PPP2R5E: variants seen among roughly 807,000 people sequenced by gnomAD.
The protein encoded by PPP2R5E is serine/threonine-protein phosphatase 2A 56 kDa regulatory subunit epsilon isoform.
PPP2R5E carries 4 observed loss-of-function variants against 65.3 expected under a neutral mutation model. The observed-to-expected ratio is 0.06, with a 90% CI of 0.03 to 0.14. PPP2R5E has a LOEUF of 0.14. Ranked by LOEUF, PPP2R5E falls within the 10% of genes least tolerant of loss-of-function variation. The pLI, the probability that PPP2R5E is intolerant of heterozygous loss-of-function variation, is 1.00. For missense variants in PPP2R5E, 274 were observed against 556.1 expected (o/e 0.49, Z 5.10); for synonymous variants, 183 against 187.4 (o/e 0.98, Z 0.19).
At chr14:63,405,309 T>C (rs1443217806) in intron 5 of PPP2R5E, among the ~76,000 whole-genome samples, 1 of 152,208 alleles carries the variant, frequency 6.6e-6, no homozygotes, top group Non-Finnish European at 1.5e-5. Flanking sequence ...GTTCTTTGTA[T>C]TGGAGCTGAG....
chr14:63,489,916 G>A (rs1305671815), intron 2 of PPP2R5E, among the ~76,000 whole-genome samples: 2 of 152,016 alleles, frequency 1.3e-5, no homozygotes, highest in African/African-American at 4.8e-5. Flanking sequence ...TGAAGTCCAG[G>A]CCAATTTATA....
intron 2 of PPP2R5E, among the ~76,000 whole-genome samples, chr14:63,530,048 T>C (rs1344524769): frequency 6.6e-6 from 1 of 152,072 alleles, no homozygotes; most frequent in East Asian, 1.9e-4. Context: ...AGAACGTGAA[T>C]GGAAGGGATG....
At chr14:63,380,386 G>T (rs1021901698) in intron 13 of PPP2R5E, among the ~76,000 whole-genome samples, 4 of 152,066 alleles carry the variant, frequency 2.6e-5, no homozygotes, top group African/African-American at 9.7e-5. Flanking sequence ...TTTAGGGCTG[G>T]GCGCGGTGGC....
intron 3 of PPP2R5E, among the ~76,000 whole-genome samples, chr14:63,444,372 C>A (rs1888377539): frequency 6.6e-6 from 1 of 152,172 alleles, no homozygotes; most frequent in Non-Finnish European, 1.5e-5. Context: ...CCTTCCTTGC[C>A]TTGTACAGAC....
intron 3 of PPP2R5E, among the ~76,000 whole-genome samples, chr14:63,443,070 G>A (rs1888314387): frequency 6.6e-6 from 1 of 152,008 alleles, no homozygotes. Flanking sequence ...TGTATTAAGA[G>A]GCTAACCAGA....
rs556352498 is a variant in PPP2R5E, at chr14:63,536,018, G to A, written c.157+3511C>T. Among the ~76,000 whole-genome samples, 15 of 152,228 alleles carry A rather than the reference G, an allele frequency of 9.9e-5. No homozygotes were observed. The East Asian group carries it at 1.5e-3, about 16-fold the overall frequency. Reference sequence around the variant, plus strand: ...TTATGTTATTCTACAGACAGAGATGGATTTCTAATTTATAGAATACTTTCC... The same window carrying A: ...TTATGTTATTCTACAGACAGAGATGAATTTCTAATTTATAGAATACTTTCC... On this transcript the variant is annotated intron_variant, in intron 2 of 13. Transcript: ENST00000337537.
chr14:63,502,672 A>C lies in PPP2R5E; in HGVS notation c.157+36857T>G, dbSNP rs553887603. Reference sequence around the variant, plus strand: ...ACAGAGCAAGACTCCATCTCAAAAAAATAAAAAAGAAAAAGAAAACACTCC... The same window carrying C: ...ACAGAGCAAGACTCCATCTCAAAAACATAAAAAAGAAAAAGAAAACACTCC... On this transcript the variant is annotated intron_variant, in intron 2 of 13. Coordinates refer to ENST00000337537, the MANE Select transcript of PPP2R5E (RefSeq NM_006246.5). Among the ~76,000 whole-genome samples, 14 of 152,270 alleles carry C rather than the reference A, an allele frequency of 9.2e-5. No homozygotes were observed. The South Asian group carries it at 2.7e-3, about 29-fold the overall frequency.
intron 2 of PPP2R5E, among the ~76,000 whole-genome samples, chr14:63,509,812 TC>T (rs1463349871): frequency 6.6e-6 from 1 of 152,142 alleles, no homozygotes; most frequent in Non-Finnish European, 1.5e-5. Flanking sequence ...AGCAACTCTA[TC>T]CCTGAGTTAG....
rs749888440 is a variant in PPP2R5E, at chr14:63,396,734, C to T, written c.550-18G>A. On this transcript the variant is annotated intron_variant, in intron 5 of 13. Coordinates refer to ENST00000337537, the MANE Select transcript of PPP2R5E (RefSeq NM_006246.5). ...TCCAGAAGCTGTTGTAAATGAAAGA[C>T]ATTATAGCTGTCAAAGGCGGTTTCA... 3.1e-6 allele frequency: 5 copies of T among 1,609,454 alleles called. No individual in the cohort carries two copies. In the East Asian group the frequency reaches 6.7e-5, roughly 22 times the overall value.
At chr14:63,386,935 AAAG>A (rs1414283324) in intron 11 of PPP2R5E, among the ~76,000 whole-genome samples, 5 of 151,724 alleles carry the variant, frequency 3.3e-5, no homozygotes, top group Non-Finnish European at 7.4e-5. Context: ...AAAAAAAAAA[AAAG>A]AAGAAAGAAA....
chr14:63,505,336 T>C (rs1313283647), intron 2 of PPP2R5E, among the ~76,000 whole-genome samples: 1 of 152,122 alleles, frequency 6.6e-6, no homozygotes, highest in Non-Finnish European at 1.5e-5. Flanking sequence ...CCAAAAGAAG[T>C]TTCCAAAGAT....
chr14:63,510,863 C>T (rs975585268), intron 2 of PPP2R5E, among the ~76,000 whole-genome samples: 1 of 152,028 alleles, frequency 6.6e-6, no homozygotes, highest in South Asian at 2.1e-4. Context: ...GTAGAACACA[C>T]GTGAAAAGGT....
At chr14:63,502,649 A>T in intron 2 of PPP2R5E, among the ~76,000 whole-genome samples, 1 of 152,184 alleles carries the variant, frequency 6.6e-6, no homozygotes, top group East Asian at 1.9e-4. Context: ...TCTGGGTGAC[A>T]GAGCAAGACT....
At chr14:63,526,127 TG>T (rs1293277549) in intron 2 of PPP2R5E, among the ~76,000 whole-genome samples, 1 of 152,188 alleles carries the variant, frequency 6.6e-6, no homozygotes, top group Non-Finnish European at 1.5e-5. Context: ...CCCAAAGTGC[TG>T]GGATTACAGG....
chr14:63,422,222 G>A (rs1887063532), intron 3 of PPP2R5E, 128 bp from the exon 4 acceptor site: 1 of 726,550 alleles, frequency 1.4e-6, no homozygotes. Flanking sequence ...CTAGAATAAG[G>A]ACCTCTTTCT....
At chr14:63,466,070 A>C (rs1889777301) in intron 2 of PPP2R5E, among the ~76,000 whole-genome samples, 1 of 152,138 alleles carries the variant, frequency 6.6e-6, no homozygotes, top group East Asian at 1.9e-4. Context: ...CAGTTAATTG[A>C]GGGTCCTTCC....
intron 2 of PPP2R5E, among the ~76,000 whole-genome samples, chr14:63,462,560 G>C (rs753214918): frequency 1.3e-5 from 2 of 151,994 alleles, no homozygotes; most frequent in Non-Finnish European, 2.9e-5. Flanking sequence ...TGCCTTGCAC[G>C]TTTTAATAAA....
Position 63,396,574 on chromosome 14 carries a change from C to T in PPP2R5E, c.680+12G>A. On this transcript the variant is annotated intron_variant, in intron 6 of 13. Transcript: ENST00000337537. ...TTTGCTTCTCCTTCTTCCCCCATCACACTCCACTTACCTTAGAAAAATATT... is the reference window on the plus strand; with the variant it reads ...TTTGCTTCTCCTTCTTCCCCCATCATACTCCACTTACCTTAGAAAAATATT... 6.2e-7 allele frequency: 1 copy of T among 1,610,556 alleles called. No homozygotes were observed. Among genetic ancestry groups the T allele is most frequent in the Non-Finnish European group, 8.5e-7 (1 of 1,179,014 alleles).
chr14:63,441,887 G>A (rs1350718050), intron 3 of PPP2R5E, among the ~76,000 whole-genome samples: 1 of 149,562 alleles, frequency 6.7e-6, no homozygotes, highest in Non-Finnish European at 1.5e-5. Context: ...TCCAGCCTGG[G>A]CCACAGAGCA....
Sources: allele counts gnomAD v4.1 joint callset (sites outside exome capture counted in the v4.1 genomes callset), GRCh38; gene constraint gnomAD v4.1.1; transcripts MANE v1.5; gene names NCBI Gene and HGNC (gene_info 2026-07-23, HGNC 2026-07-21).